Variants in SMG1 observed in about 807,000 individuals in gnomAD.
SMG1 encodes the protein serine/threonine-protein kinase SMG1.
A neutral mutation model predicts 419.9 loss-of-function variants in SMG1; 22 were observed. The ratio of observed to expected loss-of-function variants is 0.05; its 90% CI spans 0.04 to 0.07. The LOEUF is 0.07. SMG1 is among the 10% of genes least tolerant of loss of function. The probability of loss-of-function intolerance (pLI) is 1.00; values close to 1 mark genes in which losing one functional copy is unlikely to be tolerated. For synonymous variants in SMG1, 1,538 were observed against 1,553.5 expected, an observed-to-expected ratio of 0.99 and a Z score of 0.23; for missense variants, 3,185 against 4,342.0, an observed-to-expected ratio of 0.73 and a Z score of 7.49.
chr16:18,832,476 T>C (rs879693720), intron 51 of SMG1, among the ~76,000 whole-genome samples: 2 of 152,188 alleles, frequency 1.3e-5, no homozygotes, highest in East Asian at 1.9e-4. Flanking sequence ...TCCAAGGGGT[T>C]CTACAAGATG....
At chr16:18,852,260 G>A (rs2034645428) in intron 32 of SMG1, 55 bp from the exon 33 acceptor site, 1 of 1,603,822 alleles carries the variant, frequency 6.2e-7, no homozygotes, top group Non-Finnish European at 8.5e-7. Context: ...TACCATATCA[G>A]CAGACATTTA....
Position 18,817,427 on chromosome 16 carries a change from C to A in SMG1, c.9938G>T (p.Arg3313Leu). 1 of 1,593,440 alleles carries A rather than the reference C, an allele frequency of 6.3e-7. No homozygotes were observed. Among genetic ancestry groups the A allele is most frequent in the Admixed American group, 1.8e-5 (1 of 56,530 alleles). The change falls in exon 57 of 63, where the codon CGA becomes CTA. Residue 3313 changes from arginine (R) to leucine (L), a missense_variant. Transcript: ENST00000446231. ...GTTTAAGGCTTCTGCAGTTCTTGTT[C>A]GTAAACTTTCAAAATGAATGATATT... is the stretch of plus-strand genomic sequence containing the variant. The part of the protein sequence containing the change: ...CSNIIHFESL[R>L]TRTAEALNLD...
chr16:18,866,206 T>TA (rs1362435830), intron 23 of SMG1: 1 of 192,556 alleles, frequency 5.2e-6, no homozygotes, highest in Non-Finnish European at 1.1e-5. Flanking sequence ...TAAACTAACA[T>TA]AAATGGACAC....
intron 55 of SMG1, among the ~76,000 whole-genome samples, 189 bp downstream of exon 55, chr16:18,827,842 T>TGGTATATATATACCTATATATATATATA (rs2032851709): frequency 9.3e-6 from 1 of 107,840 alleles, no homozygotes; most frequent in African/African-American, 2.7e-5. Context: ...TATATATCTT[T>TGGTATATATATACCTATATATATATATA]GGTATATATA....
chr16:18,877,005 T>C, intron 12 of SMG1, 126 bp downstream of exon 12: 1 of 651,236 alleles, frequency 1.5e-6, no homozygotes, highest in Non-Finnish European at 2.6e-6. Flanking sequence ...ACAAATACAA[T>C]CACTATATTC....
intron 14 of SMG1, 72 bp from the exon 15 acceptor site, chr16:18,872,417 C>T: frequency 6.8e-7 from 1 of 1,477,120 alleles, no homozygotes. Context: ...GTTAAATCAA[C>T]ATACATCTTT....
rs926144687 is a variant in SMG1 at position 18,813,684 on chromosome 16, A to T, written c.10621+1491T>A. On this transcript the variant is annotated intron_variant, in intron 60 of 62. Coordinates refer to ENST00000446231, the MANE Select transcript of SMG1 (RefSeq NM_015092.5). ...TAGTTTAATTAGATTCCATTTTTCA[A>T]TTTTGGCTTTTGTTGCCATTGCTTT... is the stretch of plus-strand genomic sequence containing the variant. Among the ~76,000 whole-genome samples the T allele has an allele frequency of 2.6e-5, 4 of 152,126 alleles. No individual in the cohort carries two copies. In the South Asian group the frequency reaches 8.3e-4, roughly 32 times the overall value.
At chr16:18,898,976 C>T (rs1567442669) in intron 1 of SMG1, among the ~76,000 whole-genome samples, 1 of 152,112 alleles carries the variant, frequency 6.6e-6, no homozygotes, top group African/African-American at 2.4e-5. Flanking sequence ...GAGGATGATA[C>T]CTACCTAACA....
At chr16:18,905,983 A>G (rs533170113) in intron 1 of SMG1, among the ~76,000 whole-genome samples, 6 of 151,992 alleles carry the variant, frequency 3.9e-5, no homozygotes, top group Admixed American at 2.0e-4. Flanking sequence ...CTATACCCTT[A>G]ACTCTTAAGG....
At chr16:18,816,974 C>T (rs565505113) in intron 57 of SMG1, among the ~76,000 whole-genome samples, 17 of 152,274 alleles carry the variant, frequency 1.1e-4, no homozygotes, top group Non-Finnish European at 2.2e-4. Flanking sequence ...CTTTCTCCTG[C>T]TCTATTTTCA....
intron 4 of SMG1, among the ~76,000 whole-genome samples, chr16:18,891,763 A>C (rs1175976066): frequency 2.6e-5 from 4 of 152,214 alleles, no homozygotes; most frequent in Non-Finnish European, 4.4e-5. Flanking sequence ...GTGTAAAGAA[A>C]GTGAAGAAAA....
At chr16:18,913,685 G>A (rs1413537125) in intron 1 of SMG1, among the ~76,000 whole-genome samples, 2 of 151,868 alleles carry the variant, frequency 1.3e-5, no homozygotes, top group Admixed American at 6.6e-5. Flanking sequence ...GGTTCCCAAA[G>A]ACATATACAT....
chr16:18,854,582 C>T, intron 30 of SMG1, 74 bp downstream of exon 30: 1 of 1,372,890 alleles, frequency 7.3e-7, no homozygotes, highest in Non-Finnish European at 9.9e-7. Flanking sequence ...TACCTTATAC[C>T]ATACATACAC....
Position 18,868,206 on chromosome 16 carries a change from G to A in SMG1, c.3179C>T (p.Thr1060Ile), listed in dbSNP as rs147586756. The A allele has an allele frequency of 1.7e-3, 2,607 of 1,575,296 alleles. 60 individuals are homozygous for A. The East Asian group carries it at 0.046, about 28-fold the overall frequency. ...CCACATTACCTGAGATAGGCTGGTTGTTTTCATCTCTGTAAGCAAGTCAAA... is the reference window on the plus strand; with the variant it reads ...CCACATTACCTGAGATAGGCTGGTTATTTTCATCTCTGTAAGCAAGTCAAA... Reference protein sequence around the residue: ...HGFDLLTEMKTTSLSQGNELE... With the variant: ...HGFDLLTEMKITSLSQGNELE... The change falls in exon 22 of 63, where the codon ACA becomes ATA. Residue 1060 changes from threonine (T) to isoleucine (I), a missense_variant. Around this residue, in one of 27 missense-constraint regions of SMG1, gnomAD observed 70 missense variants for 185.7 expected, o/e 0.38. Coordinates refer to ENST00000446231, the MANE Select transcript of SMG1 (RefSeq NM_015092.5).
intron 25 of SMG1, among the ~76,000 whole-genome samples, chr16:18,861,880 T>C (rs1031569062): frequency 1.3e-5 from 2 of 152,152 alleles, no homozygotes; most frequent in African/African-American, 4.8e-5. Context: ...TATAGCAACT[T>C]TGACTGCTTT....
rs989012728 is a variant in SMG1 at position 18,842,279 on chromosome 16, G to A, written c.6395C>T (p.Pro2132Leu). ...AAGTTTCTTTGGCTTGGTTTTAGTC[G>A]GTAAGATTGTGATGGTTCCGCCCAC... Reference protein sequence around the residue: ...HSVGGTITILPTKTKPKKLLF... With the variant: ...HSVGGTITILLTKTKPKKLLF... The change falls in exon 40 of 63, where the codon CCG becomes CTG. Residue 2132 changes from proline to leucine, a missense_variant. By Grantham distance (98) the Pro-to-Leu change is moderately conservative (BLOSUM62 -3). Transcript: ENST00000446231. The A allele has an allele frequency of 8.1e-6, 13 of 1,613,770 alleles. No homozygotes were observed. The highest frequency in any genetic ancestry group is 4.0e-5 in the African/African-American group (3 of 74,890).
intron 1 of SMG1, among the ~76,000 whole-genome samples, chr16:18,905,674 G>A (rs141833890): frequency 0.01 from 1,512 of 148,738 alleles, 32 homozygotes; most frequent in African/African-American, 0.035. Context: ...GTATAGTGGT[G>A]CAATACTGGC....
At chr16:18,838,975 T>G (rs936928658) in intron 42 of SMG1, among the ~76,000 whole-genome samples, 3 of 151,966 alleles carry the variant, frequency 2.0e-5, no homozygotes, top group Non-Finnish European at 4.4e-5. Context: ...CTTTCTAAAT[T>G]TTTTATTCTT....
At chr16:18,821,430 G>A (rs13337249) in intron 55 of SMG1, among the ~76,000 whole-genome samples, 1 of 26,048 alleles carries the variant, frequency 3.8e-5, no homozygotes, top group Non-Finnish European at 8.4e-5. Context: ...ACAGTCCCCA[G>A]AGTGTGATAT....
Sources: allele counts gnomAD v4.1 joint callset (sites outside exome capture counted in the v4.1 genomes callset), GRCh38; gene constraint gnomAD v4.1.1; regional missense constraint gnomAD v4.1.1; transcripts MANE v1.5; gene names NCBI Gene and HGNC (gene_info 2026-07-23, HGNC 2026-07-21).